GSK3B: variants seen among roughly 807,000 people sequenced by gnomAD.
GSK3B encodes the protein glycogen synthase kinase-3 beta.
Under a neutral mutation model 56.4 loss-of-function variants are expected in GSK3B, and 15 were observed. That is an observed-to-expected ratio of 0.27 (90% CI 0.18 to 0.41). The LOEUF is 0.41. GSK3B is among the 10% of genes least tolerant of loss of function. The pLI is 1.00. For missense variants in GSK3B, 300 were observed against 513.4 expected (o/e 0.58, Z 4.02); for synonymous variants, 181 against 188.9 (o/e 0.96, Z 0.34).
chr3:120,048,540 G>C (rs1349682145), intron 1 of GSK3B, among the ~76,000 whole-genome samples: 1 of 152,196 alleles, frequency 6.6e-6, no homozygotes, highest in Non-Finnish European at 1.5e-5. Context: ...CATCTGTTAA[G>C]CAGGGATAAT....
chr3:120,024,517 G>A (rs967190042), intron 1 of GSK3B, among the ~76,000 whole-genome samples: 2 of 151,946 alleles, frequency 1.3e-5, no homozygotes, highest in Non-Finnish European at 2.9e-5. Context: ...GTTAACATAC[G>A]TACACATATC....
In GSK3B at chr3:119,912,690, A is replaced by G. The variant is rs748287874; in HGVS notation, c.715+14T>C. On this transcript the variant is annotated intron_variant, in intron 6 of 10. Transcript: ENST00000264235. ...ATTAATAATTATGAGCATTATATTC[A>G]GATTTGTACTTACCTATACTAGAGG... 1 of 1,110,780 alleles carries G rather than the reference A, an allele frequency of 9.0e-7. No homozygotes were observed. The highest frequency in any genetic ancestry group is 1.4e-5 in the South Asian group (1 of 69,950). The allele number at this position is 1,110,780 out of a possible 1,614,324, so 68.8% of individuals were successfully genotyped here.
At chr3:120,073,198 C>A (rs1171898956) in intron 1 of GSK3B, among the ~76,000 whole-genome samples, 1 of 143,346 alleles carries the variant, frequency 7.0e-6, no homozygotes, top group East Asian at 2.0e-4. Context: ...CATAGGGAGA[C>A]CTCATCTCTA....
chr3:119,844,802 C>T (rs1450149576), intron 9 of GSK3B, among the ~76,000 whole-genome samples: 2 of 152,238 alleles, frequency 1.3e-5, no homozygotes, highest in Non-Finnish European at 2.9e-5. Context: ...TCCTCCCTAA[C>T]TCATTTTATG....
At chr3:119,997,044 A>G (rs2057626051) in intron 2 of GSK3B, among the ~76,000 whole-genome samples, 3 of 152,224 alleles carry the variant, frequency 2.0e-5, no homozygotes, top group Admixed American at 6.5e-5. Flanking sequence ...GTGTCTAATC[A>G]TAATAAAAAC....
intron 2 of GSK3B, among the ~76,000 whole-genome samples, chr3:119,988,131 T>C (rs542033490): frequency 1.9e-4 from 29 of 152,258 alleles, no homozygotes; most frequent in South Asian, 4.1e-4. Context: ...GACTGTAACA[T>C]CAGAATAGAG....
In GSK3B at chr3:119,925,852, G is replaced by C. The variant is rs141422693; in HGVS notation, c.367-2369C>G. ...CTACCACTATGCCAAAATTATTCCA[G>C]ATGAACAATCTCCTTGTTGCTGAAT... On this transcript the variant is annotated intron_variant, in intron 3 of 10. Transcript: ENST00000264235. 1.6e-3 allele frequency among the ~76,000 whole-genome samples: 246 copies of C among 152,204 alleles called. 2 individuals are homozygous for C. The highest frequency in any genetic ancestry group is 5.5e-3 in the African/African-American group (229 of 41,524).
intron 1 of GSK3B, among the ~76,000 whole-genome samples, chr3:120,055,086 T>G (rs375314582): frequency 2.0e-5 from 3 of 152,290 alleles, no homozygotes; most frequent in South Asian, 2.1e-4. Flanking sequence ...AACGATATCT[T>G]GCCTAGGCCC....
At chr3:119,909,528 A>T (rs1297931633) in intron 6 of GSK3B, among the ~76,000 whole-genome samples, 1 of 152,092 alleles carries the variant, frequency 6.6e-6, no homozygotes, top group African/African-American at 2.4e-5. Context: ...CTCTCTGTTC[A>T]CTCCTGGCTA....
intron 1 of GSK3B, among the ~76,000 whole-genome samples, chr3:120,046,830 C>A (rs1051574818): frequency 2.6e-5 from 4 of 152,094 alleles, no homozygotes; most frequent in African/African-American, 7.2e-5. Flanking sequence ...AGGCCGTTCT[C>A]GAACTCCTAA....
intron 9 of GSK3B, 24 bp from the exon 10 acceptor site, chr3:119,843,377 G>A: frequency 7.8e-7 from 1 of 1,284,822 alleles, no homozygotes; most frequent in Non-Finnish European, 1.1e-6. Context: ...AGACACAAAT[G>A]TTAGAGTCCA....
At chr3:119,993,351 T>C (rs2057584556) in intron 2 of GSK3B, among the ~76,000 whole-genome samples, 1 of 151,494 alleles carries the variant, frequency 6.6e-6, no homozygotes, top group Non-Finnish European at 1.5e-5. Flanking sequence ...ATTTTTTTAA[T>C]CAAAAAGAAA....
intron 7 of GSK3B, among the ~76,000 whole-genome samples, chr3:119,889,409 T>C (rs1004585408): frequency 3.9e-5 from 6 of 152,108 alleles, no homozygotes; most frequent in Admixed American, 6.6e-5. Flanking sequence ...ATGAAAACTA[T>C]AGCACAAAGA....
At chr3:119,861,610 G>C (rs116254906) in intron 9 of GSK3B, among the ~76,000 whole-genome samples, 3 of 151,512 alleles carry the variant, frequency 2.0e-5, no homozygotes, top group African/African-American at 4.9e-5. Context: ...TGTCTTTATT[G>C]CATAGAAACA....
intron 1 of GSK3B, chr3:120,041,324 C>CA (rs1285253753): frequency 3.3e-6 from 1 of 304,046 alleles, no homozygotes; most frequent in African/African-American, 2.2e-5. Context: ...TATCCACCGG[C>CA]ATTTATTGTA....
chr3:120,018,471 A>G (rs1472202335), intron 1 of GSK3B, among the ~76,000 whole-genome samples: 2 of 152,200 alleles, frequency 1.3e-5, no homozygotes, highest in East Asian at 3.8e-4. Flanking sequence ...CCCCATGTAT[A>G]ACAGCAATGA....
chr3:120,053,813 C>G (rs370876812), intron 1 of GSK3B, among the ~76,000 whole-genome samples: 21 of 152,308 alleles, frequency 1.4e-4, no homozygotes, highest in African/African-American at 5.1e-4. Flanking sequence ...CACAAGCTCT[C>G]TCTTTGCCTG....
chr3:119,962,015 AT>A (rs1028515864), intron 2 of GSK3B, among the ~76,000 whole-genome samples: 18 of 152,322 alleles, frequency 1.2e-4, no homozygotes, highest in African/African-American at 3.8e-4. Context: ...ACTTAATGAC[AT>A]TTTTAACTTA....
At chr3:120,060,204 T>C (rs552172111) in intron 1 of GSK3B, among the ~76,000 whole-genome samples, 10 of 152,164 alleles carry the variant, frequency 6.6e-5, no homozygotes, top group African/African-American at 2.2e-4. Flanking sequence ...GTGATAAGTG[T>C]TAGAAGGAAA....
Sources: gnomAD v4.1 joint callset for allele counts (sites outside exome capture counted in the v4.1 genomes callset) on GRCh38, gnomAD v4.1.1 for gene constraint, MANE v1.5 for transcripts, NCBI Gene and HGNC (gene_info 2026-07-23, HGNC 2026-07-21) for gene names.